The following TAF4 variants were observed in gnomAD, a reference collection of about 807,000 sequenced individuals.
TAF4 encodes TATA-box binding protein associated factor 4, also known as transcription initiation factor TFIID subunit 4.
A neutral mutation model predicts 90.3 loss-of-function variants in TAF4; 9 were observed. The observed-to-expected ratio is 0.10, with a 90% CI of 0.06 to 0.17. The LOEUF is 0.17. Ranked by LOEUF, TAF4 falls within the 10% of genes least tolerant of loss-of-function variation. TAF4 has a pLI of 1.00. For synonymous variants in TAF4, 818 were observed against 638.9 expected, an observed-to-expected ratio of 1.28 and a Z score of -4.23; for missense variants, 1,351 against 1,370.7, an observed-to-expected ratio of 0.99 and a Z score of 0.23.
chr20:61,995,192 G>A (rs1377284061), intron 14 of TAF4, among the ~76,000 whole-genome samples: 1 of 152,212 alleles, frequency 6.6e-6, no homozygotes, highest in Admixed American at 6.5e-5. Context: ...ACAAGAAAGT[G>A]TGCAAGGCCG....
intron 1 of TAF4, among the ~76,000 whole-genome samples, chr20:62,036,550 C>CA (rs1467665696): frequency 6.6e-6 from 1 of 152,142 alleles, no homozygotes; most frequent in Non-Finnish European, 1.5e-5. Flanking sequence ...ACCTACACAC[C>CA]AAACTGTAGC....
intron 1 of TAF4, among the ~76,000 whole-genome samples, chr20:62,053,478 A>G (rs1259245163): frequency 6.6e-6 from 1 of 152,228 alleles, no homozygotes; most frequent in Non-Finnish European, 1.5e-5. Context: ...ACATCTGAAC[A>G]GAGAAGATGC....
At chr20:62,013,361 C>T (rs537317697) in intron 2 of TAF4, among the ~76,000 whole-genome samples, 52 of 152,314 alleles carry the variant, frequency 3.4e-4, no homozygotes, top group Non-Finnish European at 5.9e-4. Flanking sequence ...AGGTGGCTGC[C>T]CAGGACAGAG....
intron 1 of TAF4, among the ~76,000 whole-genome samples, chr20:62,033,279 C>CA (rs1344898657): frequency 1.3e-5 from 2 of 152,160 alleles, no homozygotes; most frequent in African/African-American, 4.8e-5. Context: ...TGGCAGGAAT[C>CA]AGAGACCAAG....
chr20:62,064,801 GCC>G lies in TAF4; in HGVS notation c.1008_1009del (p.Pro338GlyfsTer123). On this transcript the variant is annotated frameshift_variant, in exon 1 of 15. Transcript: ENST00000252996. LOFTEE classifies it high-confidence loss of function. ...CTCGGCCTTGACCCCCGGCGCCGGC[GCC>G]GCAGCCGCCGCGCCGGGCCCGGGTT... 7 of 997,256 alleles carry G rather than the reference GCC, an allele frequency of 7.0e-6. No individual in the cohort carries two copies. Among genetic ancestry groups the G allele is most frequent in the Non-Finnish European group, 8.3e-6 (7 of 840,320 alleles). 61.8% of individuals were successfully genotyped at this position (997,256 alleles called of 1,614,324 possible). A position where few individuals can be genotyped will look rare whatever the true frequency, so the allele number is the denominator to read the frequency against.
intron 14 of TAF4, among the ~76,000 whole-genome samples, chr20:61,992,781 A>G (rs1207733513): frequency 6.6e-6 from 1 of 152,142 alleles, no homozygotes; most frequent in South Asian, 2.1e-4. Flanking sequence ...TGAGCCTGAC[A>G]CATGTTAACG....
intron 1 of TAF4, among the ~76,000 whole-genome samples, chr20:62,056,180 T>C (rs1228083188): frequency 6.6e-6 from 1 of 152,052 alleles, no homozygotes; most frequent in East Asian, 1.9e-4. Flanking sequence ...GAGGTTGCAG[T>C]AAGCTGAGAT....
chr20:61,998,235 A>C (rs754704508), intron 12 of TAF4, 43 bp from the exon 13 acceptor site: 5 of 1,582,106 alleles, frequency 3.2e-6, no homozygotes, highest in Non-Finnish European at 3.5e-6. Context: ...GTTATGAACT[A>C]AATGTTTATC....
intron 1 of TAF4, among the ~76,000 whole-genome samples, chr20:62,020,985 A>G (rs943311828): frequency 2.6e-4 from 40 of 152,192 alleles, no homozygotes; most frequent in African/African-American, 8.9e-4. Context: ...AAGCCAGACC[A>G]CTGGGAAGGA....
intron 1 of TAF4, among the ~76,000 whole-genome samples, chr20:62,047,311 C>T (rs190765884): frequency 3.7e-4 from 57 of 152,324 alleles, no homozygotes; most frequent in African/African-American, 1.4e-3. Flanking sequence ...AGAGGTCACA[C>T]CACCAGCCTG....
Position 62,059,521 on chromosome 20 carries a change from T to C in TAF4, c.1360+4930A>G, listed in dbSNP as rs1463922404. On this transcript the variant is annotated intron_variant, in intron 1 of 14. Transcript: ENST00000252996. ...GTTTGCAGCTGACACCACAATGCCA[T>C]AGCAACCGCAGGCCCACCTGGAAGC... Among the ~76,000 whole-genome samples the C allele has an allele frequency of 3.9e-5, 6 of 152,312 alleles. No individual in the cohort carries two copies. In the South Asian group the frequency reaches 6.2e-4, roughly 16 times the overall value.
At chr20:61,999,905 C>T (rs370394347) in intron 11 of TAF4, among the ~76,000 whole-genome samples, 1 of 152,190 alleles carries the variant, frequency 6.6e-6, no homozygotes, top group Non-Finnish European at 1.5e-5. Context: ...GCCAAGACTG[C>T]GCCACTGAAC....
intron 1 of TAF4, among the ~76,000 whole-genome samples, chr20:62,055,918 C>G (rs769068997): frequency 6.6e-6 from 1 of 152,230 alleles, no homozygotes; most frequent in African/African-American, 2.4e-5. Context: ...AGCCTTCCCC[C>G]GTGGCCCAGT....
intron 1 of TAF4, among the ~76,000 whole-genome samples, chr20:62,019,853 G>C (rs2055832784): frequency 6.6e-6 from 1 of 152,226 alleles, no homozygotes; most frequent in South Asian, 2.1e-4. Context: ...GCGAAGCTGT[G>C]CCACAACCAC....
At chr20:62,012,620 A>G (rs1410440433) in intron 3 of TAF4, 195 bp downstream of exon 3, 2 of 722,798 alleles carry the variant, frequency 2.8e-6, no homozygotes, top group Non-Finnish European at 2.0e-6. Flanking sequence ...GAAAAAAGAA[A>G]AAAAGAAATC....
At chr20:62,044,374 G>A (rs1256207707) in intron 1 of TAF4, among the ~76,000 whole-genome samples, 1 of 152,214 alleles carries the variant, frequency 6.6e-6, no homozygotes, top group African/African-American at 2.4e-5. Flanking sequence ...ATGCGAGTAT[G>A]TGTATTTTGA....
chr20:61,988,181 G>A (rs1451948975), intron 14 of TAF4, among the ~76,000 whole-genome samples: 2 of 152,168 alleles, frequency 1.3e-5, no homozygotes, highest in African/African-American at 4.8e-5. Context: ...TACACACCAA[G>A]AGTGCACCCT....
intron 1 of TAF4, 56 bp downstream of exon 1, chr20:62,064,395 T>C (rs887424412): frequency 1.6e-6 from 2 of 1,276,776 alleles, no homozygotes; most frequent in Admixed American, 4.2e-5. Flanking sequence ...TTCCTGGAAC[T>C]GGCAGCTGGC....
At chr20:61,987,709 G>A (rs2144675) in intron 14 of TAF4, among the ~76,000 whole-genome samples, 37,311 of 152,196 alleles carry the variant, frequency 0.25, 4,936 homozygotes, top group Non-Finnish European at 0.3. Flanking sequence ...TCCAGCAATC[G>A]TGCTCCTTGG....
Sources: allele counts gnomAD v4.1 joint callset (sites outside exome capture counted in the v4.1 genomes callset), GRCh38; gene constraint gnomAD v4.1.1; transcripts MANE v1.5; gene names NCBI Gene and HGNC (gene_info 2026-07-23, HGNC 2026-07-21).